The following EPC2 variants were observed in gnomAD, a reference collection of about 807,000 sequenced individuals.
The protein encoded by EPC2 is enhancer of polycomb 2.
Under a neutral mutation model 92.1 loss-of-function variants are expected in EPC2, and 14 were observed. The ratio of observed to expected loss-of-function variants is 0.15; its 90% CI spans 0.10 to 0.24. The LOEUF (loss-of-function observed/expected upper bound fraction) is 0.24, where lower values mean the gene tolerates loss of function less well. Among genes scored for constraint, EPC2 ranks in the 10% least tolerant of loss-of-function variants. The pLI is 1.00. For missense variants in EPC2, 755 were observed against 971.5 expected (o/e 0.78, Z 2.96); for synonymous variants, 340 against 334.7 (o/e 1.02, Z -0.17).
chr2:148,679,032 G>C (rs538225877), intron 1 of EPC2, among the ~76,000 whole-genome samples: 1 of 152,246 alleles, frequency 6.6e-6, no homozygotes, highest in Non-Finnish European at 1.5e-5. Flanking sequence ...CTGGGTGACA[G>C]AGTGCGACCC....
rs147569199 is a variant in EPC2, at chr2:148,732,946, C to CTTTT, written c.314-10659_314-10656dup. ...AATTCTAAATATTAAGTGAATAGCT[C>CTTTT]TTTTTTTTTTTTTTTTTTTTCCAGT... On this transcript the variant is annotated intron_variant, in intron 2 of 13. Transcript: ENST00000258484. 1.1e-3 allele frequency among the ~76,000 whole-genome samples: 93 copies of CTTTT among 83,720 alleles called. 3 individuals are homozygous for CTTTT. The highest frequency in any genetic ancestry group is 1.6e-3 in the Admixed American group (10 of 6,220). 54.9% of individuals were successfully genotyped at this position (83,720 alleles called of 152,430 possible). A position where few individuals can be genotyped will look rare whatever the true frequency, so the allele number is the denominator to read the frequency against.
At chr2:148,648,260 T>A (rs147217098) in intron 1 of EPC2, among the ~76,000 whole-genome samples, 128 of 152,346 alleles carry the variant, frequency 8.4e-4, no homozygotes, top group African/African-American at 3.1e-3. Context: ...TTTTTAAATA[T>A]GTATGTCAGA....
At chr2:148,783,454 A>T in intron 11 of EPC2, 143 bp from the exon 12 acceptor site, 1 of 655,408 alleles carries the variant, frequency 1.5e-6, no homozygotes, top group African/African-American at 1.8e-5. Context: ...AAAATCATCT[A>T]TGGAATCGTA....
At chr2:148,781,265 A>G (rs961676584) in intron 10 of EPC2, among the ~76,000 whole-genome samples, 1 of 152,210 alleles carries the variant, frequency 6.6e-6, no homozygotes, top group Non-Finnish European at 1.5e-5. Context: ...TATTAAGGCT[A>G]TAACTTAGTC....
At chr2:148,647,746 C>T (rs1683834050) in intron 1 of EPC2, among the ~76,000 whole-genome samples, 2 of 151,316 alleles carry the variant, frequency 1.3e-5, no homozygotes, top group South Asian at 4.2e-4. Context: ...GATTCTCCTG[C>T]CTCAGCCTCT....
At chr2:148,778,777 A>C (rs1683696370) in intron 10 of EPC2, among the ~76,000 whole-genome samples, 1 of 152,176 alleles carries the variant, frequency 6.6e-6, no homozygotes, top group African/African-American at 2.4e-5. Flanking sequence ...GAATGAGGAA[A>C]ATCAGCTTGT....
chr2:148,786,251 G>A (rs1324558042), intron 13 of EPC2, 54 bp from the exon 14 acceptor site: 57 of 1,363,090 alleles, frequency 4.2e-5, no homozygotes, highest in East Asian at 1.2e-4. Flanking sequence ...AAATGGTAAC[G>A]TCATGTTCTA....
At position 148,656,036 on chromosome 2, in the gene EPC2, G is replaced by T. The variant is rs867154289; in HGVS notation, c.153+10866G>T. Among the ~76,000 whole-genome samples, 264 of 91,454 alleles carry T rather than the reference G, an allele frequency of 2.9e-3. 6 individuals carry two copies. The East Asian group carries it at 0.12, about 42-fold the overall frequency. The allele number at this position is 91,454 out of a possible 152,430, so 60.0% of individuals were successfully genotyped here. ...GTGTGTGTGTGTGTGGGGGGGGGGGGGGTTATTCTAGAAAATTTCTAGACA... is the reference window on the plus strand; with the variant it reads ...GTGTGTGTGTGTGTGGGGGGGGGGGTGGTTATTCTAGAAAATTTCTAGACA... On this transcript the variant is annotated intron_variant, in intron 1 of 13. Coordinates refer to ENST00000258484, the MANE Select transcript of EPC2 (RefSeq NM_015630.4).
intron 2 of EPC2, among the ~76,000 whole-genome samples, chr2:148,723,993 C>CT (rs1682435511): frequency 6.6e-6 from 1 of 151,888 alleles, no homozygotes; most frequent in Non-Finnish European, 1.5e-5. Context: ...ACAGAATGGA[C>CT]TTTAATTTCA....
chr2:148,760,801 A>G (rs2105422434), intron 4 of EPC2, among the ~76,000 whole-genome samples: 1 of 152,260 alleles, frequency 6.6e-6, no homozygotes, highest in South Asian at 2.1e-4. Flanking sequence ...TATAACTTTG[A>G]CTTTTTCTCA....
At chr2:148,705,454 A>G (rs1009662486) in intron 2 of EPC2, among the ~76,000 whole-genome samples, 17 of 152,064 alleles carry the variant, frequency 1.1e-4, no homozygotes, top group African/African-American at 3.1e-4. Flanking sequence ...TGCATTTCCA[A>G]CTGAGCTCTG....
intron 13 of EPC2, among the ~76,000 whole-genome samples, chr2:148,785,836 G>T (rs147153087): frequency 6.6e-6 from 1 of 152,156 alleles, no homozygotes; most frequent in Non-Finnish European, 1.5e-5. Flanking sequence ...AATACAAGGA[G>T]AACAATGAAT....
intron 1 of EPC2, among the ~76,000 whole-genome samples, chr2:148,671,142 A>T (rs1020585041): frequency 2.0e-5 from 3 of 152,180 alleles, no homozygotes; most frequent in Non-Finnish European, 4.4e-5. Flanking sequence ...TTTTATGCTG[A>T]TAGTGGTATA....
intron 1 of EPC2, among the ~76,000 whole-genome samples, chr2:148,652,680 A>G (rs907476816): frequency 6.6e-6 from 1 of 152,212 alleles, no homozygotes; most frequent in African/African-American, 2.4e-5. Context: ...GAACTAACAA[A>G]TGTGACATTA....
At chr2:148,726,765 G>GTTTTTTTTTTTTTTTTGT (rs201293391) in intron 2 of EPC2, among the ~76,000 whole-genome samples, 17 of 100,574 alleles carry the variant, frequency 1.7e-4, no homozygotes, top group South Asian at 3.4e-4. Context: ...TTTGTTTTTT[G>GTTTTTTTTTTTTTTTTGT]TTTTTTTTTT....
At chr2:148,645,504 C>T (rs1182561247) in intron 1 of EPC2, 5 of 271,328 alleles carry the variant, frequency 1.8e-5, no homozygotes, top group African/African-American at 8.9e-5. Flanking sequence ...TTCCACCTCC[C>T]TCTCTCAGGC....
intron 10 of EPC2, among the ~76,000 whole-genome samples, chr2:148,776,856 C>CTCTCTTTTTTTTT (rs1247135854): frequency 3.0e-5 from 3 of 101,028 alleles, no homozygotes; most frequent in African/African-American, 1.1e-4. Context: ...GTCTCTCTCT[C>CTCTCTTTTTTTTT]TTTTTTTTTT....
rs1282105377 is a variant in EPC2, at chr2:148,787,567, A to G, written c.*1190A>G. Reference sequence around the variant, plus strand: ...GGAAATAAAAAATACATATCAAAACATGGACATGCTGCATATGTGTTTATT... The same window carrying G: ...GGAAATAAAAAATACATATCAAAACGTGGACATGCTGCATATGTGTTTATT... On this transcript the variant is annotated 3_prime_UTR_variant, in exon 14 of 14. Coordinates refer to ENST00000258484, the MANE Select transcript of EPC2 (RefSeq NM_015630.4). 3 of 152,668 alleles carry G rather than the reference A, an allele frequency of 2.0e-5. No homozygotes were observed. Among genetic ancestry groups the G allele is most frequent in the Non-Finnish European group, 2.9e-5 (2 of 68,048 alleles). 9.5% of individuals were successfully genotyped at this position (152,668 alleles called of 1,614,324 possible).
intron 2 of EPC2, among the ~76,000 whole-genome samples, chr2:148,699,035 GA>G (rs1337755924): frequency 6.6e-6 from 1 of 152,008 alleles, no homozygotes; most frequent in Non-Finnish European, 1.5e-5. Flanking sequence ...GGCCAGTAAT[GA>G]AGGTTTTTGT....
Sources: gnomAD v4.1 joint callset for allele counts (sites outside exome capture counted in the v4.1 genomes callset) on GRCh38, gnomAD v4.1.1 for gene constraint, MANE v1.5 for transcripts, NCBI Gene and HGNC (gene_info 2026-07-23, HGNC 2026-07-21) for gene names.